PDE11A: variants seen among roughly 807,000 people sequenced by gnomAD.
PDE11A encodes the protein phosphodiesterase 11A.
Under a neutral mutation model 100.5 loss-of-function variants are expected in PDE11A, and 100 were observed. That is an observed-to-expected ratio of 1.00 (90% CI 0.85 to 1.18). The LOEUF (loss-of-function observed/expected upper bound fraction) is 1.18, where lower values mean the gene tolerates loss of function less well. Among genes scored for constraint, PDE11A ranks in the 50% most tolerant of loss-of-function variants. The probability of loss-of-function intolerance (pLI) is 0.00; values close to 1 mark genes in which losing one functional copy is unlikely to be tolerated. For synonymous variants in PDE11A, 381 were observed against 420.8 expected (o/e 0.91, Z 1.16); for missense variants, 1,141 against 1,152.6 (o/e 0.99, Z 0.15).
At chr2:177,642,267 G>C (rs1004868322) in intron 19 of PDE11A, among the ~76,000 whole-genome samples, 1 of 152,204 alleles carries the variant, frequency 6.6e-6, no homozygotes, top group African/African-American at 2.4e-5. Flanking sequence ...GTCAAGATTG[G>C]TCAGAAGGCA....
chr2:177,794,931 G>A (rs1051161299), intron 9 of PDE11A, among the ~76,000 whole-genome samples: 1 of 151,970 alleles, frequency 6.6e-6, no homozygotes, highest in Non-Finnish European at 1.5e-5. Context: ...GATTACAGGT[G>A]CCCACCACCA....
At chr2:178,024,845 A>G (rs2086459273) in intron 1 of PDE11A, among the ~76,000 whole-genome samples, 1 of 152,242 alleles carries the variant, frequency 6.6e-6, no homozygotes, top group Non-Finnish European at 1.5e-5. Flanking sequence ...ATCAGTAGAC[A>G]TCACTTATTT....
intron 1 of PDE11A, among the ~76,000 whole-genome samples, chr2:178,022,380 G>C (rs1036287844): frequency 6.6e-6 from 1 of 152,162 alleles, no homozygotes; most frequent in Non-Finnish European, 1.5e-5. Flanking sequence ...TATGAGTTTC[G>C]TTGTGGACAT....
chr2:177,856,511 C>T (rs148470386), intron 5 of PDE11A, among the ~76,000 whole-genome samples: 30 of 151,878 alleles, frequency 2.0e-4, no homozygotes, highest in African/African-American at 7.0e-4. Flanking sequence ...TACATACATT[C>T]AAAATACTAA....
chr2:178,063,048 T>A (rs2086993180), intron 1 of PDE11A, among the ~76,000 whole-genome samples: 1 of 152,226 alleles, frequency 6.6e-6, no homozygotes, highest in South Asian at 2.1e-4. Context: ...TTTTTAAAAA[T>A]TTTTAATATT....
At chr2:178,063,049 T>C (rs905644672) in intron 1 of PDE11A, among the ~76,000 whole-genome samples, 1 of 152,190 alleles carries the variant, frequency 6.6e-6, no homozygotes, top group Non-Finnish European at 1.5e-5. Flanking sequence ...TTTTAAAAAT[T>C]TTTAATATTT....
At chr2:177,945,150 G>C (rs1292493101) in intron 2 of PDE11A, among the ~76,000 whole-genome samples, 2 of 151,298 alleles carry the variant, frequency 1.3e-5, no homozygotes, top group African/African-American at 4.8e-5. Flanking sequence ...GGAGTGCAGT[G>C]GCGTGGTCTC....
At chr2:178,064,832 C>T (rs549954824) in intron 1 of PDE11A, among the ~76,000 whole-genome samples, 1 of 151,952 alleles carries the variant, frequency 6.6e-6, no homozygotes, top group Non-Finnish European at 1.5e-5. Context: ...AGAGGTATCT[C>T]ATAGGTTTCC....
At position 177,663,889 on chromosome 2, in the gene PDE11A, T is replaced by C; in HGVS notation, c.2623A>G (p.Ser875Gly). ...ACCTGATACAAAGGCATGCAGATGC[T>C]ATCAATCCACTCCAGTTGCAACCGA... ...LPRLQLEWID[S>G]ICMPLYQALV... Residue 875 changes from serine to glycine, a missense_variant, in exon 19 of 20, where the codon AGC (serine) becomes GGC (glycine). Coordinates refer to ENST00000286063, the MANE Select transcript of PDE11A (RefSeq NM_016953.4). 6.2e-7 allele frequency: 1 copy of C among 1,605,114 alleles called. No homozygotes were observed. Among genetic ancestry groups the C allele is most frequent in the Non-Finnish European group, 8.5e-7 (1 of 1,171,804 alleles).
At chr2:178,082,489 T>C (rs2087299959) in intron 2 of PDE11A, among the ~76,000 whole-genome samples, 1 of 152,326 alleles carries the variant, frequency 6.6e-6, no homozygotes, top group South Asian at 2.1e-4. Context: ...CATTCTGACA[T>C]GCTGGGAAGC....
At chr2:177,637,478 T>A (rs993351468) in intron 19 of PDE11A, among the ~76,000 whole-genome samples, 2 of 152,090 alleles carry the variant, frequency 1.3e-5, no homozygotes, top group Non-Finnish European at 2.9e-5. Flanking sequence ...TTTGCATTTT[T>A]TTGCAGTTCT....
chr2:177,658,447 C>T (rs1459502869), intron 19 of PDE11A, among the ~76,000 whole-genome samples: 4 of 151,402 alleles, frequency 2.6e-5, no homozygotes. Flanking sequence ...CTTTCCTTCT[C>T]TCCTCCCCTT....
chr2:178,099,375 T>TAGC lies in PDE11A; in HGVS notation c.162+4924_162+4926dup, dbSNP rs1209624084. On this transcript the variant is annotated intron_variant, in intron 2 of 20. Transcript: ENST00000358450. ...ATAGCTTGAACCTGGGATGCAGTGG[T>TAGC]AGCAGTGAGCCGAGATCACAACACT... Among the ~76,000 whole-genome samples, 11 of 144,588 alleles carry TAGC rather than the reference T, an allele frequency of 7.6e-5. No homozygotes were observed. In the Admixed American group the frequency reaches 8.1e-4, roughly 11 times the overall value. 94.9% of individuals were successfully genotyped at this position (144,588 alleles called of 152,430 possible).
At chr2:177,684,437 G>A (rs1246767678) in intron 15 of PDE11A, among the ~76,000 whole-genome samples, 3 of 152,162 alleles carry the variant, frequency 2.0e-5, no homozygotes, top group Non-Finnish European at 4.4e-5. Context: ...CATCCATAAT[G>A]AACACAACAA....
intron 7 of PDE11A, 62 bp from the exon 8 acceptor site, chr2:177,817,987 G>T: frequency 1.2e-6 from 1 of 823,748 alleles, no homozygotes; most frequent in South Asian, 1.3e-5. Context: ...TTCTCTAATA[G>T]AGTAGCCACA....
chr2:178,010,050 A>G (rs17687217), intron 2 of PDE11A, among the ~76,000 whole-genome samples: 8,446 of 152,286 alleles, frequency 0.055, 290 homozygotes, highest in South Asian at 0.092. Context: ...GAACTTTCAT[A>G]AGGCTCATTT....
chr2:177,778,421 G>A (rs796776804), intron 9 of PDE11A, among the ~76,000 whole-genome samples: 17 of 152,304 alleles, frequency 1.1e-4, no homozygotes, highest in African/African-American at 2.9e-4. Flanking sequence ...ACTTAAGAGC[G>A]AGGAGGAACA....
At chr2:177,781,720 T>G (rs1041600978) in intron 9 of PDE11A, among the ~76,000 whole-genome samples, 2 of 152,210 alleles carry the variant, frequency 1.3e-5, no homozygotes, top group African/African-American at 4.8e-5. Flanking sequence ...CAGGCTGGTC[T>G]TGAACTTCTG....
chr2:177,946,432 C>G (rs1461019985), intron 2 of PDE11A, among the ~76,000 whole-genome samples: 2 of 64,902 alleles, frequency 3.1e-5, no homozygotes, highest in African/African-American at 6.9e-5. Context: ...TCTGCCCGGC[C>G]AGCCGCCCCG....
Sources: allele counts gnomAD v4.1 joint callset (sites outside exome capture counted in the v4.1 genomes callset), GRCh38; gene constraint gnomAD v4.1.1; transcripts MANE v1.5; gene names NCBI Gene and HGNC (gene_info 2026-07-23, HGNC 2026-07-21).